Variants in FAM120AOS observed in about 807,000 individuals in gnomAD.
FAM120AOS encodes uncharacterized protein FAM120AOS.
A neutral mutation model predicts 20.2 loss-of-function variants in FAM120AOS; 15 were observed. That is an observed-to-expected ratio of 0.74 (90% CI 0.50 to 1.15). The LOEUF is 1.15. Among genes scored for constraint, FAM120AOS ranks in the 50% most tolerant of loss-of-function variants. The pLI is 0.00. For missense variants in FAM120AOS, 327 were observed against 351.9 expected, an observed-to-expected ratio of 0.93 and a Z score of 0.57; for synonymous variants, 154 against 154.0, an observed-to-expected ratio of 1.00 and a Z score of 0.00.
chr9:93,453,339 C>T lies in FAM120AOS; in HGVS notation c.-630G>A. On this transcript the variant is annotated 5_prime_UTR_variant, in exon 1 of 3. An upstream open reading frame in the 5' UTR gains an earlier in-frame stop. Coordinates refer to ENST00000375412, the MANE Select transcript of FAM120AOS (RefSeq NM_198841.4). ...CTGGGCCAGAGGAGAACTTCAGGAC[C>T]CAGCAGTGACTGTGAAGATAAGCAC... 1.0e-6 allele frequency: 1 copy of T among 985,752 alleles called. No homozygotes were observed. The highest frequency in any genetic ancestry group is 1.2e-6 in the Non-Finnish European group (1 of 830,146). The allele number at this position is 985,752 out of a possible 1,614,324, so 61.1% of individuals were successfully genotyped here.
chr9:93,452,343 G>C lies in FAM120AOS; in HGVS notation c.367C>G (p.Gln123Glu). Residue 123 changes from glutamine to glutamate, a missense_variant, in exon 1 of 3, where the codon CAG becomes GAG. By Grantham distance (29) the Gln-to-Glu change is conservative (BLOSUM62 2). Coordinates refer to ENST00000375412, the MANE Select transcript of FAM120AOS (RefSeq NM_198841.4). The surrounding 1 kb of genome is among the most constrained non-coding windows in gnomAD (Gnocchi z 7.0). ...AAGGTCTGGTTCCTGCCGCCCGTCTGCATGGCCCACTGCATCCGCCTGGCG... is the reference window on the plus strand; with the variant it reads ...AAGGTCTGGTTCCTGCCGCCCGTCTCCATGGCCCACTGCATCCGCCTGGCG... Reference protein sequence around the residue: ...MSARRMQWAMQTGGRNQTFGG... With the variant: ...MSARRMQWAMETGGRNQTFGG... The C allele has an allele frequency of 3.1e-6, 5 of 1,612,756 alleles. No homozygotes were observed. The highest frequency in any genetic ancestry group is 4.2e-6 in the Non-Finnish European group (5 of 1,179,814).
intron 1 of FAM120AOS, 185 bp downstream of exon 1, chr9:93,451,962 G>T: frequency 6.5e-7 from 1 of 1,537,400 alleles, no homozygotes. Context: ...CACTGCCCGA[G>T]CGCCGTGGTG....
At position 93,450,659 on chromosome 9, in the gene FAM120AOS, T is replaced by C. The variant is rs1031290193; in HGVS notation, c.564-60A>G. 27 of 1,600,486 alleles carry C rather than the reference T, an allele frequency of 1.7e-5. No individual in the cohort carries two copies. In the African/African-American group the frequency reaches 3.4e-4, roughly 20 times the overall value. On this transcript the variant is annotated intron_variant, in intron 1 of 2. Coordinates refer to ENST00000375412, the MANE Select transcript of FAM120AOS (RefSeq NM_198841.4). ...AGTAAAAGCGGCACTTTAAAACTTT[T>C]AGAGTGCTGGGTTTCTAAATTTATA... is the stretch of plus-strand genomic sequence containing the variant.
chr9:93,453,189 G>A lies in FAM120AOS; in HGVS notation c.-480C>T, dbSNP rs1857362270. The A allele has an allele frequency of 2.0e-6, 2 of 1,002,244 alleles. No individual in the cohort carries two copies. The highest frequency in any genetic ancestry group is 1.7e-5 in the African/African-American group (1 of 57,330). 62.1% of individuals were successfully genotyped at this position (1,002,244 alleles called of 1,614,324 possible). The stretch of plus-strand genomic sequence containing the variant: ...CGAACTACGCGGGCGTGAACTCGCA[G>A]GATTTATTTTTCGGGTGCACAGTAA... On this transcript the variant is annotated 5_prime_UTR_variant, in exon 1 of 3. Coordinates refer to ENST00000375412, the MANE Select transcript of FAM120AOS (RefSeq NM_198841.4).
intron 1 of FAM120AOS, chr9:93,451,481 G>A: frequency 9.4e-7 from 1 of 1,067,350 alleles, no homozygotes; most frequent in Non-Finnish European, 1.1e-6. Flanking sequence ...TGCCTGCTCC[G>A]GCTCAGAAGC....
chr9:93,453,580 C>A lies in FAM120AOS; in HGVS notation c.-871G>T. ...CGCGAGGAGATGGTGGTAGTTAAGC[C>A]TAAAATGATAGCGGAAGTCCCACCC... On this transcript the variant is annotated 5_prime_UTR_variant, in exon 1 of 3. The change creates a new upstream start codon in the 5' untranslated region. Coordinates refer to ENST00000375412, the MANE Select transcript of FAM120AOS (RefSeq NM_198841.4). 1 of 985,350 alleles carries A rather than the reference C, an allele frequency of 1.0e-6. No homozygotes were observed. The highest frequency in any genetic ancestry group is 4.7e-5 in the South Asian group (1 of 21,280). 61.0% of individuals were successfully genotyped at this position (985,350 alleles called of 1,614,324 possible).
Position 93,450,545 on chromosome 9 carries a change from C to T in FAM120AOS, c.618G>A (p.Leu206=), listed in dbSNP as rs376076312. The change falls in exon 2 of 3, where the codon CTG becomes CTA. Residue 206 remains leucine (L), a synonymous_variant. Transcript: ENST00000375412. The part of the protein sequence containing the change: ...CNRQAVAGQL[L]PSTWSLHAHG... ...GCGCGTGCAGGCTCCATGTGCTGGG[C>T]AGCAGCTGTCCGGCCACAGCCTGTC... 1.4e-5 allele frequency: 22 copies of T among 1,607,080 alleles called. No homozygotes were observed. The highest frequency in any genetic ancestry group is 4.0e-5 in the African/African-American group (3 of 74,498).
rs1857345462 is a variant in FAM120AOS, at chr9:93,452,959, A to T, written c.-250T>A. 7.2e-7 allele frequency: 1 copy of T among 1,379,554 alleles called. No individual in the cohort carries two copies. The allele number at this position is 1,379,554 out of a possible 1,614,324, so 85.5% of individuals were successfully genotyped here. Reference sequence around the variant, plus strand: ...GCCAGTGCCCTGGCCTCTACTTCAGAACGCAGTGCCCTGTCCGTGTTCCTC... The same window carrying T: ...GCCAGTGCCCTGGCCTCTACTTCAGTACGCAGTGCCCTGTCCGTGTTCCTC... On this transcript the variant is annotated 5_prime_UTR_variant, in exon 1 of 3. Coordinates refer to ENST00000375412, the MANE Select transcript of FAM120AOS (RefSeq NM_198841.4). This position sits in a 1 kb window ranked among gnomAD's most constrained non-coding sequence, Gnocchi z 7.0.
At position 93,447,524 on chromosome 9, in the gene FAM120AOS, G is replaced by A; in HGVS notation, c.*87C>T. The A allele has an allele frequency of 8.5e-7, 1 of 1,180,296 alleles. No homozygotes were observed. The highest frequency in any genetic ancestry group is 1.3e-6 in the Non-Finnish European group (1 of 799,776). The allele number at this position is 1,180,296 out of a possible 1,614,324, so 73.1% of individuals were successfully genotyped here. A position where few individuals can be genotyped will look rare whatever the true frequency, so the allele number is the denominator to read the frequency against. ...AAACCAGAAGCAGAAGCTGAGGAATGGTGAATAGAGCATTTTCCCTCACAC... is the reference window on the plus strand; with the variant it reads ...AAACCAGAAGCAGAAGCTGAGGAATAGTGAATAGAGCATTTTCCCTCACAC... On this transcript the variant is annotated 3_prime_UTR_variant, in exon 3 of 3. Coordinates refer to ENST00000375412, the MANE Select transcript of FAM120AOS (RefSeq NM_198841.4).
Position 93,452,769 on chromosome 9 carries a change from T to C in FAM120AOS, c.-60A>G. ...AACTTTGACAAAATACTCCCTTTTCTAATTTAGCCTGTTCTTTCCCAGCAA... is the reference window on the plus strand; with the variant it reads ...AACTTTGACAAAATACTCCCTTTTCCAATTTAGCCTGTTCTTTCCCAGCAA... On this transcript the variant is annotated 5_prime_UTR_variant, in exon 1 of 3. An upstream open reading frame in the 5' UTR loses its in-frame stop. Transcript: ENST00000375412. The surrounding 1 kb of genome is among the most constrained non-coding windows in gnomAD (Gnocchi z 7.0). 4 of 1,596,342 alleles carry C rather than the reference T, an allele frequency of 2.5e-6. No individual in the cohort carries two copies. The highest frequency in any genetic ancestry group is 3.4e-6 in the Non-Finnish European group (4 of 1,179,368).
rs1345704490 is a variant in FAM120AOS at position 93,447,808 on chromosome 9, T to C, written c.685-111A>G. 31 of 910,324 alleles carry C rather than the reference T, an allele frequency of 3.4e-5. No homozygotes were observed. The East Asian group carries it at 4.1e-4, about 12-fold the overall frequency. 56.4% of individuals were successfully genotyped at this position (910,324 alleles called of 1,614,324 possible). On this transcript the variant is annotated intron_variant, in intron 2 of 2. Transcript: ENST00000375412. ...ATCTCTGTGGAGCTCTCCTACCCTC[T>C]GCTACTGCTGATAACTCATAGTACT... is the stretch of plus-strand genomic sequence containing the variant.
chr9:93,452,235 A>G lies in FAM120AOS; in HGVS notation c.475T>C (p.Ser159Pro). Residue 159 changes from serine to proline, a missense_variant, in exon 1 of 3, where the codon TCG (serine) becomes CCG (proline). By Grantham distance (74) the Ser-to-Pro change is moderately conservative. Around this residue, in one of 3 missense-constraint regions of FAM120AOS, gnomAD observed 86 missense variants for 140.2 expected, o/e 0.61. Coordinates refer to ENST00000375412, the MANE Select transcript of FAM120AOS (RefSeq NM_198841.4). This position sits in a 1 kb window ranked among gnomAD's most constrained non-coding sequence, Gnocchi z 7.0. ...GCGCTCGAGAAGGCCCGGCTGCACG[A>G]GTGGGTCAAGCGGCAGGGCAACGAG... ...WRSLPCRLTH[S>P]CSRAFSSAPL... The G allele has an allele frequency of 6.2e-7, 1 of 1,611,318 alleles. No homozygotes were observed. Among genetic ancestry groups the G allele is most frequent in the Non-Finnish European group, 8.5e-7 (1 of 1,179,504 alleles).
chr9:93,452,710 C>T lies in FAM120AOS; in HGVS notation c.-1G>A, dbSNP rs143975148. The T allele has an allele frequency of 2.5e-6, 4 of 1,598,548 alleles. No homozygotes were observed. Among genetic ancestry groups the T allele is most frequent in the Non-Finnish European group, 3.4e-6 (4 of 1,179,870 alleles). ...CCCCAATATCCTTAGTTTTTCCCAT[C>T]CTATTTGAGGCGGGCAGGCTATCAC... On this transcript the variant is annotated 5_prime_UTR_variant, in exon 1 of 3. Coordinates refer to ENST00000375412, the MANE Select transcript of FAM120AOS (RefSeq NM_198841.4). This position sits in a 1 kb window ranked among gnomAD's most constrained non-coding sequence, Gnocchi z 7.0.
intron 2 of FAM120AOS, among the ~76,000 whole-genome samples, chr9:93,449,863 G>A (rs564259691): frequency 2.6e-4 from 39 of 152,280 alleles, no homozygotes; most frequent in Non-Finnish European, 4.9e-4. Flanking sequence ...TGCTACAAAT[G>A]AAAATACGAG....
At chr9:93,451,863 C>T (rs954477807) in intron 1 of FAM120AOS, 8 of 1,054,022 alleles carry the variant, frequency 7.6e-6, no homozygotes, top group Non-Finnish European at 9.2e-6. Flanking sequence ...GCCCCACCAC[C>T]CCCGGCCCCG....
chr9:93,452,819 G>A lies in FAM120AOS; in HGVS notation c.-110C>T. 1 of 1,572,630 alleles carries A rather than the reference G, an allele frequency of 6.4e-7. No individual in the cohort carries two copies. The highest frequency in any genetic ancestry group is 1.1e-5 in the South Asian group (1 of 88,272). On this transcript the variant is annotated 5_prime_UTR_variant, in exon 1 of 3. Transcript: ENST00000375412. This position sits in a 1 kb window ranked among gnomAD's most constrained non-coding sequence, Gnocchi z 7.0. ...ACAGGTTCATCTTGGAAGCAGGCAGGATACAGAGTAATAGAGGGGGTTTCG... is the reference window on the plus strand; with the variant it reads ...ACAGGTTCATCTTGGAAGCAGGCAGAATACAGAGTAATAGAGGGGGTTTCG...
intron 2 of FAM120AOS, among the ~76,000 whole-genome samples, chr9:93,449,129 G>T (rs965249113): frequency 1.3e-5 from 2 of 149,344 alleles, no homozygotes; most frequent in African/African-American, 2.5e-5. Context: ...TATGTGTTAT[G>T]ATACAATAAT....
In FAM120AOS at chr9:93,445,926, TGAA is replaced by T. The variant is rs1564289363; in HGVS notation, c.*1682_*1684del. ...TTTTATATGATGGGCTGATGTCTCATGAATAACTGTGCCAAAATCCTCACTTCT... is the reference window on the plus strand; with the variant it reads ...TTTTATATGATGGGCTGATGTCTCATTAACTGTGCCAAAATCCTCACTTCT... On this transcript the variant is annotated 3_prime_UTR_variant, in exon 3 of 3. Coordinates refer to ENST00000375412, the MANE Select transcript of FAM120AOS (RefSeq NM_198841.4). Among the ~76,000 whole-genome samples, 4 of 152,188 alleles carry T rather than the reference TGAA, an allele frequency of 2.6e-5. No homozygotes were observed. The highest frequency in any genetic ancestry group is 9.7e-5 in the African/African-American group (4 of 41,446).
Position 93,445,630 on chromosome 9 carries a change from C to T in FAM120AOS, c.*1981G>A, listed in dbSNP as rs2131121068. ...TTTGAGACAAGGCCTCACTCTGTTGCCCAGGCTGGAGTGCAAGTGGTGTAA... is the reference window on the plus strand; with the variant it reads ...TTTGAGACAAGGCCTCACTCTGTTGTCCAGGCTGGAGTGCAAGTGGTGTAA... On this transcript the variant is annotated 3_prime_UTR_variant, in exon 3 of 3. Transcript: ENST00000375412. Among the ~76,000 whole-genome samples the T allele has an allele frequency of 8.2e-6, 1 of 121,658 alleles. No individual in the cohort carries two copies. The highest frequency in any genetic ancestry group is 2.8e-4 in the East Asian group (1 of 3,530). The allele number at this position is 121,658 out of a possible 152,430, so 79.8% of individuals were successfully genotyped here. A position where few individuals can be genotyped will look rare whatever the true frequency, so the allele number is the denominator to read the frequency against.
Sources: gnomAD v4.1 joint callset for allele counts (sites outside exome capture counted in the v4.1 genomes callset) on GRCh38, gnomAD v4.1.1 for gene constraint, gnomAD v4.1.1 regional missense constraint, Gnocchi (gnomAD v3.1) non-coding constraint, MANE v1.5 for transcripts, NCBI Gene and HGNC (gene_info 2026-07-23, HGNC 2026-07-21) for gene names.